RAPGEF4: variants seen among roughly 807,000 people sequenced by gnomAD.
RAPGEF4 encodes the protein Rap guanine nucleotide exchange factor 4.
RAPGEF4 carries 66 observed loss-of-function variants against 147.9 expected under a neutral mutation model. That is an observed-to-expected ratio of 0.45 (90% CI 0.37 to 0.55). The LOEUF is 0.55. Among genes scored for constraint, RAPGEF4 ranks in the 20% least tolerant of loss-of-function variants. The probability of loss-of-function intolerance (pLI) is 0.00; values close to 1 mark genes in which losing one functional copy is unlikely to be tolerated. For synonymous variants in RAPGEF4, 419 were observed against 442.7 expected (o/e 0.95, Z 0.67); for missense variants, 1,071 against 1,257.3 (o/e 0.85, Z 2.24).
At chr2:172,925,963 AG>A (rs1216690402) in intron 6 of RAPGEF4, among the ~76,000 whole-genome samples, 8 of 82,546 alleles carry the variant, frequency 9.7e-5, no homozygotes, top group East Asian at 9.8e-4. Flanking sequence ...GGGGAGGGGG[AG>A]GGGGGACAGA....
chr2:172,902,303 A>C (rs1575181316), intron 4 of RAPGEF4, among the ~76,000 whole-genome samples: 1 of 150,868 alleles, frequency 6.6e-6, no homozygotes, highest in African/African-American at 2.4e-5. Flanking sequence ...TTCTTTATTT[A>C]TTTATTTATT....
At chr2:172,872,823 C>A (rs1178545345) in intron 4 of RAPGEF4, among the ~76,000 whole-genome samples, 3 of 152,062 alleles carry the variant, frequency 2.0e-5, no homozygotes, top group Non-Finnish European at 4.4e-5. Context: ...ATTACCCAGT[C>A]TCAGATAGTT....
chr2:172,758,454 G>A (rs1186929488), intron 1 of RAPGEF4, among the ~76,000 whole-genome samples: 2 of 152,192 alleles, frequency 1.3e-5, no homozygotes, highest in South Asian at 2.1e-4. Context: ...TGACTGCAAC[G>A]TTGAAAAGAT....
intron 3 of RAPGEF4, among the ~76,000 whole-genome samples, chr2:172,800,987 C>T (rs907091815): frequency 1.3e-5 from 2 of 152,040 alleles, no homozygotes; most frequent in Non-Finnish European, 2.9e-5. Flanking sequence ...GAATTCCTAC[C>T]CCTAGAGACC....
chr2:173,023,969 C>T (rs751583483), intron 23 of RAPGEF4, among the ~76,000 whole-genome samples: 20 of 152,196 alleles, frequency 1.3e-4, no homozygotes, highest in Non-Finnish European at 2.8e-4. Context: ...TATAAGCTTC[C>T]CCAACTTTTT....
intron 6 of RAPGEF4, among the ~76,000 whole-genome samples, chr2:172,925,616 ACG>A (rs1491026618): frequency 7.1e-6 from 1 of 140,876 alleles, no homozygotes; most frequent in Admixed American, 7.2e-5. Flanking sequence ...ACACACACAC[ACG>A]CTGAATGTGG....
intron 6 of RAPGEF4, among the ~76,000 whole-genome samples, chr2:172,937,971 T>C (rs944322797): frequency 2.0e-4 from 31 of 152,140 alleles, no homozygotes; most frequent in African/African-American, 7.2e-4. Flanking sequence ...TGCTTTGTTT[T>C]ATTTTGTTTT....
chr2:172,926,031 G>A (rs1413712994), intron 6 of RAPGEF4, among the ~76,000 whole-genome samples: 1 of 61,974 alleles, frequency 1.6e-5, no homozygotes, highest in Non-Finnish European at 3.3e-5. Context: ...GGGAGGGAGG[G>A]ACGGAGGGAG....
At chr2:172,905,583 C>G (rs1019844442) in intron 4 of RAPGEF4, among the ~76,000 whole-genome samples, 24 of 152,346 alleles carry the variant, frequency 1.6e-4, no homozygotes, top group East Asian at 1.9e-4. Context: ...TTGTCCACAA[C>G]TTTATCTGCT....
chr2:173,036,531 A>T, intron 28 of RAPGEF4, 97 bp from the exon 29 acceptor site: 1 of 958,578 alleles, frequency 1.0e-6, no homozygotes, highest in Non-Finnish European at 1.6e-6. Flanking sequence ...CTGTAGTGTT[A>T]TGCAAATCTG....
At chr2:172,977,484 G>A (rs1691197405) in intron 10 of RAPGEF4, among the ~76,000 whole-genome samples, 1 of 152,052 alleles carries the variant, frequency 6.6e-6, no homozygotes, top group South Asian at 2.1e-4. Context: ...GAGTAGAGAG[G>A]TGAGCCTTTT....
chr2:172,949,260 C>A (rs559863148), intron 6 of RAPGEF4, among the ~76,000 whole-genome samples: 1 of 152,034 alleles, frequency 6.6e-6, no homozygotes. Context: ...CACAAAGCAC[C>A]GCAGGGATTC....
intron 17 of RAPGEF4, among the ~76,000 whole-genome samples, chr2:173,012,873 A>G (rs1695156082): frequency 6.6e-6 from 1 of 152,222 alleles, no homozygotes; most frequent in Admixed American, 6.5e-5. Context: ...ATGGTCATAA[A>G]ATATAATGTC....
intron 15 of RAPGEF4, among the ~76,000 whole-genome samples, chr2:172,993,307 TAAGA>T (rs1042459487): frequency 6.6e-6 from 1 of 152,182 alleles, no homozygotes; most frequent in African/African-American, 2.4e-5. Context: ...GCGGGTTTAG[TAAGA>T]AAGAATTTGA....
chr2:172,741,585 C>G (rs938158716), intron 1 of RAPGEF4, among the ~76,000 whole-genome samples: 8 of 151,796 alleles, frequency 5.3e-5, no homozygotes, highest in Admixed American at 3.9e-4. Context: ...TCCTCACCCA[C>G]CTTTGAAAAA....
intron 4 of RAPGEF4, among the ~76,000 whole-genome samples, chr2:172,906,528 C>A (rs536817026): frequency 3.9e-5 from 6 of 152,336 alleles, no homozygotes; most frequent in Middle Eastern, 3.4e-3. Context: ...GATGCTTTCG[C>A]TACAGCCTGA....
chr2:172,985,513 G>A lies in RAPGEF4; in HGVS notation c.1150+20G>A. On this transcript the variant is annotated intron_variant, in intron 12 of 30. Coordinates refer to ENST00000397081, the MANE Select transcript of RAPGEF4 (RefSeq NM_007023.4). ...CTGTGTGTAAGTGAAAAGCTGTACT[G>A]GAACCTTGCGCCTGGCCAGCACCCT... 1 of 1,609,770 alleles carries A rather than the reference G, an allele frequency of 6.2e-7. No individual in the cohort carries two copies. Among genetic ancestry groups the A allele is most frequent in the Non-Finnish European group, 8.5e-7 (1 of 1,178,622 alleles).
chr2:172,923,387 G>C lies in RAPGEF4; in HGVS notation c.537+1087G>C, dbSNP rs182065462. 9.3e-4 allele frequency among the ~76,000 whole-genome samples: 142 copies of C among 152,252 alleles called. 2 individuals carry two copies. Among genetic ancestry groups the C allele is most frequent in the African/African-American group, 3.3e-3 (136 of 41,556 alleles). On this transcript the variant is annotated intron_variant, in intron 6 of 30. Coordinates refer to ENST00000397081, the MANE Select transcript of RAPGEF4 (RefSeq NM_007023.4). Reference sequence around the variant, plus strand: ...GGATTCAAGTGATTCTCCTGCCTCAGCCTGCCGAATAGCTGGGATTACAGG... The same window carrying C: ...GGATTCAAGTGATTCTCCTGCCTCACCCTGCCGAATAGCTGGGATTACAGG...
At chr2:172,897,393 T>A (rs112418464) in intron 4 of RAPGEF4, among the ~76,000 whole-genome samples, 19 of 152,028 alleles carry the variant, frequency 1.2e-4, no homozygotes, top group South Asian at 1.0e-3. Flanking sequence ...TGGGGTTTTT[T>A]AAAAATATAT....
Sources: allele counts gnomAD v4.1 joint callset (sites outside exome capture counted in the v4.1 genomes callset), GRCh38; gene constraint gnomAD v4.1.1; transcripts MANE v1.5; gene names NCBI Gene and HGNC (gene_info 2026-07-23, HGNC 2026-07-21).